AP1S3: variants seen among roughly 807,000 people sequenced by gnomAD.
AP1S3 encodes the protein adaptor related protein complex 1 subunit sigma 3, also known as AP-1 complex subunit sigma-3.
Under a neutral mutation model 20.9 loss-of-function variants are expected in AP1S3, and 10 were observed. The ratio of observed to expected loss-of-function variants is 0.48; its 90% CI spans 0.29 to 0.81. The LOEUF (loss-of-function observed/expected upper bound fraction) is 0.81, where lower values mean the gene tolerates loss of function less well. AP1S3 is among the 30% of genes least tolerant of loss of function. AP1S3 has a pLI of 0.08. For missense variants in AP1S3, 154 were observed against 183.8 expected (o/e 0.84, Z 0.94); for synonymous variants, 41 against 61.5 (o/e 0.67, Z 1.56).
chr2:223,770,311 C>A (rs973393975), intron 3 of AP1S3: 1 of 1,550,334 alleles, frequency 6.5e-7, no homozygotes, highest in African/African-American at 1.4e-5. Flanking sequence ...TTAGGAGAAA[C>A]CAGCAATTAA....
At chr2:223,824,935 A>G (rs1692087872) in intron 1 of AP1S3, among the ~76,000 whole-genome samples, 1 of 152,140 alleles carries the variant, frequency 6.6e-6, no homozygotes, top group Non-Finnish European at 1.5e-5. Flanking sequence ...CTCCAATAAT[A>G]CTGGATACAT....
intron 1 of AP1S3, among the ~76,000 whole-genome samples, chr2:223,781,698 C>T (rs573388479): frequency 4.6e-5 from 7 of 152,180 alleles, no homozygotes; most frequent in African/African-American, 9.6e-5. Context: ...TGACACTCTA[C>T]GAGCATAAAA....
Position 223,788,625 on chromosome 2 carries a change from G to A in AP1S3, c.4-10756C>T, listed in dbSNP as rs865843369. On this transcript the variant is annotated intron_variant, in intron 1 of 4. Transcript: ENST00000396654. The stretch of plus-strand genomic sequence containing the variant: ...AAAAAAAAAAAAAAATTAGCTGGGC[G>A]TGGTGGCACATGCCTGTAATCCCAG... 4.4e-4 allele frequency among the ~76,000 whole-genome samples: 67 copies of A among 151,556 alleles called. No homozygotes were observed. In the Middle Eastern group the frequency reaches 0.014, roughly 31 times the overall value.
Position 223,758,245 on chromosome 2 carries a change from A to G in AP1S3, c.*470T>C. On this transcript the variant is annotated 3_prime_UTR_variant, in exon 5 of 5. Coordinates refer to ENST00000396654, the MANE Select transcript of AP1S3 (RefSeq NM_001039569.2). ...ATGAAAAATGTCTAGCATTACATAT[A>G]AACTCTGCACTATTAACATAATTTT... is the stretch of plus-strand genomic sequence containing the variant. 1.0e-6 allele frequency: 1 copy of G among 978,680 alleles called. No individual in the cohort carries two copies. The highest frequency in any genetic ancestry group is 1.2e-6 in the Non-Finnish European group (1 of 823,352). 60.6% of individuals were successfully genotyped at this position (978,680 alleles called of 1,614,324 possible).
At chr2:223,837,352 C>G (rs929825944) in intron 1 of AP1S3, 96 bp downstream of exon 1, 3 of 637,618 alleles carry the variant, frequency 4.7e-6, no homozygotes, top group Non-Finnish European at 4.4e-6. Flanking sequence ...CCCGCACCCC[C>G]ACCCGGCCGC....
chr2:223,798,016 A>G (rs1210462373), intron 1 of AP1S3, among the ~76,000 whole-genome samples: 1 of 152,210 alleles, frequency 6.6e-6, no homozygotes, highest in Non-Finnish European at 1.5e-5. Context: ...CCTCGCTTCT[A>G]TATCTCAGCC....
chr2:223,835,207 A>G (rs1003536790), intron 1 of AP1S3, among the ~76,000 whole-genome samples: 3 of 152,236 alleles, frequency 2.0e-5, no homozygotes, highest in African/African-American at 7.2e-5. Context: ...GAGGTCAAGG[A>G]ATTGTCCAAG....
Position 223,819,132 on chromosome 2 carries a change from G to A in AP1S3, c.3+18316C>T, listed in dbSNP as rs1354465485. Among the ~76,000 whole-genome samples, 15 of 152,244 alleles carry A rather than the reference G, an allele frequency of 9.9e-5. No individual in the cohort carries two copies. The East Asian group carries it at 2.9e-3, about 29-fold the overall frequency. ...ATATGGCATTTGTTCTCTACATGGT[G>A]ACTTCCATCTCCCTACATGAAAGTA... On this transcript the variant is annotated intron_variant, in intron 1 of 4. Coordinates refer to ENST00000396654, the MANE Select transcript of AP1S3 (RefSeq NM_001039569.2).
At chr2:223,832,935 C>A (rs1187290751) in intron 1 of AP1S3, among the ~76,000 whole-genome samples, 3 of 123,430 alleles carry the variant, frequency 2.4e-5, no homozygotes, top group African/African-American at 8.4e-5. Flanking sequence ...AATCGTACAC[C>A]CAAAAAAAAT....
In AP1S3 at chr2:223,800,387, C is replaced by T. The variant is rs536447576; in HGVS notation, c.4-22518G>A. On this transcript the variant is annotated intron_variant, in intron 1 of 4. Transcript: ENST00000396654. ...ATCCTTACAGAAAATAAATAAATAGCCAGGCATGGTGACGCACACTTGTAG... is the reference window on the plus strand; with the variant it reads ...ATCCTTACAGAAAATAAATAAATAGTCAGGCATGGTGACGCACACTTGTAG... 4.6e-5 allele frequency among the ~76,000 whole-genome samples: 7 copies of T among 151,978 alleles called. No individual in the cohort carries two copies. The South Asian group carries it at 1.5e-3, about 32-fold the overall frequency.
chr2:223,811,962 G>C (rs1164063012), intron 1 of AP1S3, among the ~76,000 whole-genome samples: 1 of 152,150 alleles, frequency 6.6e-6, no homozygotes, highest in Non-Finnish European at 1.5e-5. Flanking sequence ...CATCTCTAGG[G>C]AGATTAACGT....
chr2:223,803,957 G>A (rs1275226584), intron 1 of AP1S3, among the ~76,000 whole-genome samples: 1 of 151,784 alleles, frequency 6.6e-6, no homozygotes, highest in Non-Finnish European at 1.5e-5. Context: ...CCTGACCTTT[G>A]AAAGGTGAAG....
chr2:223,824,782 G>C (rs6757133), intron 1 of AP1S3, among the ~76,000 whole-genome samples: 1 of 151,938 alleles, frequency 6.6e-6, no homozygotes, highest in Non-Finnish European at 1.5e-5. Context: ...TGATCCACCC[G>C]TCACGGCCTC....
chr2:223,820,221 G>T (rs1691954829), intron 1 of AP1S3, among the ~76,000 whole-genome samples: 1 of 152,078 alleles, frequency 6.6e-6, no homozygotes, highest in Non-Finnish European at 1.5e-5. Context: ...TAAGATAAAG[G>T]TCTTTTTCCC....
At chr2:223,798,514 C>T (rs1490838475) in intron 1 of AP1S3, among the ~76,000 whole-genome samples, 4 of 152,208 alleles carry the variant, frequency 2.6e-5, no homozygotes, top group Non-Finnish European at 5.9e-5. Flanking sequence ...AAAAGGTTAA[C>T]TGCTATGAAT....
At position 223,756,329 on chromosome 2, in the gene AP1S3, GAAAGAAAAGAAAGA is replaced by G. The variant is rs909234781; in HGVS notation, c.*2372_*2385del. The G allele has an allele frequency of 4.3e-6, 1 of 232,782 alleles. No homozygotes were observed. Among genetic ancestry groups the G allele is most frequent in the African/African-American group, 2.6e-5 (1 of 38,230 alleles). The allele number at this position is 232,782 out of a possible 1,614,324, so 14.4% of individuals were successfully genotyped here. A position where few individuals can be genotyped will look rare whatever the true frequency, so the allele number is the denominator to read the frequency against. ...TCTGGCCTGGGTGACAAGAAGCGAG[GAAAGAAAAGAAAGA>G]AAAGAAAAGAAAAGAGAAAAAGAAA... On this transcript the variant is annotated 3_prime_UTR_variant, in exon 5 of 5. Transcript: ENST00000396654.
chr2:223,756,238 G>T lies in AP1S3; in HGVS notation c.*2477C>A, dbSNP rs1031539294. Among the ~76,000 whole-genome samples, 3 of 152,136 alleles carry T rather than the reference G, an allele frequency of 2.0e-5. No homozygotes were observed. The highest frequency in any genetic ancestry group is 7.2e-5 in the African/African-American group (3 of 41,440). ...TATAATCCCAGCTACTCGGGAGGCT[G>T]AGGCAGGAGAATCGTTTGAACCCAG... On this transcript the variant is annotated 3_prime_UTR_variant, in exon 5 of 5. Coordinates refer to ENST00000396654, the MANE Select transcript of AP1S3 (RefSeq NM_001039569.2).
At chr2:223,822,764 C>A (rs184793102) in intron 1 of AP1S3, among the ~76,000 whole-genome samples, 18 of 152,068 alleles carry the variant, frequency 1.2e-4, no homozygotes, top group Non-Finnish European at 2.2e-4. Flanking sequence ...AAAGCTTCTG[C>A]ACAGCAGAGA....
Position 223,757,835 on chromosome 2 carries a change from C to G in AP1S3, c.*880G>C, listed in dbSNP as rs955308506. The stretch of plus-strand genomic sequence containing the variant: ...CAAATGCATTAGAGATACATTAAAA[C>G]ATATTTGAAATGAAATTTCCAGCAT... On this transcript the variant is annotated 3_prime_UTR_variant, in exon 5 of 5. Coordinates refer to ENST00000396654, the MANE Select transcript of AP1S3 (RefSeq NM_001039569.2). 1.0e-6 allele frequency: 1 copy of G among 985,078 alleles called. No homozygotes were observed. Among genetic ancestry groups the G allele is most frequent in the Non-Finnish European group, 1.2e-6 (1 of 829,798 alleles). The allele number at this position is 985,078 out of a possible 1,614,324, so 61.0% of individuals were successfully genotyped here. A position where few individuals can be genotyped will look rare whatever the true frequency, so the allele number is the denominator to read the frequency against.
Sources: gnomAD v4.1 joint callset for allele counts (sites outside exome capture counted in the v4.1 genomes callset) on GRCh38, gnomAD v4.1.1 for gene constraint, MANE v1.5 for transcripts, NCBI Gene and HGNC (gene_info 2026-07-23, HGNC 2026-07-21) for gene names.